The following TLK2 variants were observed in gnomAD, a reference collection of about 807,000 sequenced individuals.
The protein encoded by TLK2 is serine/threonine-protein kinase tousled-like 2.
Under a neutral mutation model 117.3 loss-of-function variants are expected in TLK2, and 6 were observed. The observed-to-expected ratio is 0.05, with a 90% confidence interval of 0.03 to 0.10. The LOEUF (loss-of-function observed/expected upper bound fraction) is 0.10, where lower values mean the gene tolerates loss of function less well. Ranked by LOEUF, TLK2 falls within the 10% of genes least tolerant of loss-of-function variation. The pLI is 1.00. For missense variants in TLK2, 299 were observed against 901.2 expected, an observed-to-expected ratio of 0.33 and a Z score of 8.56; for synonymous variants, 257 against 316.7, an observed-to-expected ratio of 0.81 and a Z score of 2.00.
chr17:62,513,094 G>A (rs1255161180), intron 2 of TLK2, among the ~76,000 whole-genome samples: 1 of 151,250 alleles, frequency 6.6e-6, no homozygotes, highest in African/African-American at 2.4e-5. Context: ...TGGCCAGGCT[G>A]GTCTTGAACA....
intron 1 of TLK2, among the ~76,000 whole-genome samples, chr17:62,473,178 CCA>C (rs2144193110): frequency 6.6e-6 from 1 of 152,250 alleles, no homozygotes; most frequent in East Asian, 1.9e-4. Context: ...TTGCAGAGCT[CCA>C]CAGAGAAAAC....
At chr17:62,556,894 T>A (rs1385204909) in intron 9 of TLK2, among the ~76,000 whole-genome samples, 1 of 152,238 alleles carries the variant, frequency 6.6e-6, no homozygotes. Context: ...ATTTCTGGCA[T>A]TTACTGCAGC....
chr17:62,560,143 G>T lies in TLK2; in HGVS notation c.831+17G>T. On this transcript the variant is annotated intron_variant, in intron 10 of 21. Coordinates refer to ENST00000346027, the MANE Select transcript of TLK2 (RefSeq NM_006852.6). ...ATAGAAAAGGTTAGTGAATAATGTTGGTCTAAACTCTGTATCCCAAGATAC... is the reference window on the plus strand; with the variant it reads ...ATAGAAAAGGTTAGTGAATAATGTTTGTCTAAACTCTGTATCCCAAGATAC... 1 of 1,562,902 alleles carries T rather than the reference G, an allele frequency of 6.4e-7. No individual in the cohort carries two copies. Among genetic ancestry groups the T allele is most frequent in the Non-Finnish European group, 8.7e-7 (1 of 1,144,460 alleles).
chr17:62,603,108 A>C (rs2082994587), intron 19 of TLK2, among the ~76,000 whole-genome samples: 1 of 152,184 alleles, frequency 6.6e-6, no homozygotes, highest in African/African-American at 2.4e-5. Context: ...AGGTGGTCAA[A>C]TCACTTTATC....
intron 7 of TLK2, among the ~76,000 whole-genome samples, chr17:62,538,033 GTT>G (rs57512334): frequency 1.8e-4 from 19 of 106,184 alleles, no homozygotes; most frequent in Admixed American, 1.6e-3. Flanking sequence ...TTAAATCTTT[GTT>G]TTTTTTTTTT....
At chr17:62,516,283 C>A in intron 2 of TLK2, 2 of 754,114 alleles carry the variant, frequency 2.7e-6, no homozygotes, top group Non-Finnish European at 4.2e-6. Flanking sequence ...TTTTTTTTGG[C>A]TGTAAATTTA....
chr17:62,567,706 C>G (rs1194699286), intron 11 of TLK2, among the ~76,000 whole-genome samples: 1 of 152,170 alleles, frequency 6.6e-6, no homozygotes, highest in African/African-American at 2.4e-5. Context: ...TAGCTGAACA[C>G]TAACAACACT....
At chr17:62,548,240 A>ATATATATG (rs368516607) in intron 7 of TLK2, among the ~76,000 whole-genome samples, 1,867 of 121,238 alleles carry the variant, frequency 0.015, 15 homozygotes, top group Non-Finnish European at 0.018. Flanking sequence ...ATATATATAT[A>ATATATATG]TGTGTGTGTG....
chr17:62,615,191 CCTT>C lies in TLK2; in HGVS notation c.*2631_*2633del, dbSNP rs1192060457. ...TAGGCTTGGCTGAGTCCGGGCAAGACCTTCTTCCGAGGCATGGACAAGCCCCAG... is the reference window on the plus strand; with the variant it reads ...TAGGCTTGGCTGAGTCCGGGCAAGACCTTCCGAGGCATGGACAAGCCCCAG... On this transcript the variant is annotated 3_prime_UTR_variant, in exon 22 of 22. Coordinates refer to ENST00000346027, the MANE Select transcript of TLK2 (RefSeq NM_006852.6). 3 of 152,284 alleles carry C rather than the reference CCTT, an allele frequency of 2.0e-5. No homozygotes were observed. The highest frequency in any genetic ancestry group is 2.9e-5 in the Non-Finnish European group (2 of 68,034). 9.4% of individuals were successfully genotyped at this position (152,284 alleles called of 1,614,324 possible).
intron 20 of TLK2, among the ~76,000 whole-genome samples, chr17:62,606,478 T>C (rs1160775184): frequency 2.0e-5 from 3 of 152,240 alleles, no homozygotes; most frequent in African/African-American, 7.2e-5. Context: ...ACATGCACTT[T>C]TGCTGTTCTC....
intron 16 of TLK2, among the ~76,000 whole-genome samples, chr17:62,589,020 A>G (rs892368409): frequency 2.0e-5 from 3 of 152,206 alleles, no homozygotes; most frequent in Non-Finnish European, 2.9e-5. Flanking sequence ...GAATCAAGAC[A>G]TTTATTCTGG....
At chr17:62,584,393 G>A (rs2081458424) in intron 15 of TLK2, among the ~76,000 whole-genome samples, 1 of 152,048 alleles carries the variant, frequency 6.6e-6, no homozygotes, top group Non-Finnish European at 1.5e-5. Flanking sequence ...GAGATTACAG[G>A]TGTGAGCCAT....
intron 2 of TLK2, among the ~76,000 whole-genome samples, chr17:62,511,663 C>T (rs1031171378): frequency 1.3e-5 from 2 of 152,218 alleles, no homozygotes; most frequent in Non-Finnish European, 2.9e-5. Context: ...AGCCACCGCA[C>T]CCAGCCTACA....
intron 2 of TLK2, among the ~76,000 whole-genome samples, chr17:62,504,246 T>C (rs1430754411): frequency 6.6e-6 from 1 of 152,190 alleles, no homozygotes; most frequent in Non-Finnish European, 1.5e-5. Flanking sequence ...TTTCAGGCAC[T>C]GTATTACCCT....
At position 62,565,016 on chromosome 17, in the gene TLK2, A is replaced by T. The variant is rs767776392; in HGVS notation, c.847A>T (p.Met283Leu). Residue 283 changes from methionine to leucine, a missense_variant, in exon 11 of 22, where the codon ATG (methionine) becomes TTG (leucine). Met to Leu is a conservative substitution (Grantham distance 15, BLOSUM62 2). Around this residue, in one of 4 missense-constraint regions of TLK2, gnomAD observed 94 missense variants for 282.6 expected, o/e 0.33. Coordinates refer to ENST00000346027, the MANE Select transcript of TLK2 (RefSeq NM_006852.6). ...LLIEKSKQEK[M>L]ACRDKSMQDR... The stretch of plus-strand genomic sequence containing the variant: ...TTCCCCTAAGTCAAAACAAGAGAAG[A>T]TGGCGTGTAGAGATAAGAGCATGCA... The T allele has an allele frequency of 9.3e-6, 15 of 1,608,928 alleles. No homozygotes were observed. The South Asian group carries it at 1.7e-4, about 18-fold the overall frequency.
intron 2 of TLK2, among the ~76,000 whole-genome samples, chr17:62,513,460 G>C (rs1167808914): frequency 6.6e-6 from 1 of 151,446 alleles, no homozygotes; most frequent in Admixed American, 6.6e-5. Flanking sequence ...TAGGAGCTAG[G>C]ACTGCAGACA....
At chr17:62,505,030 GAC>G (rs1319849754) in intron 2 of TLK2, among the ~76,000 whole-genome samples, 1 of 151,988 alleles carries the variant, frequency 6.6e-6, no homozygotes. Context: ...TCTTGGTAGA[GAC>G]AGGGTGTTGC....
intron 15 of TLK2, chr17:62,585,824 C>G (rs2081571786): frequency 4.8e-6 from 1 of 206,572 alleles, no homozygotes. Context: ...GCAGACGGGT[C>G]CCAGACAGGA....
chr17:62,556,976 G>C (rs1256706544), intron 9 of TLK2, among the ~76,000 whole-genome samples: 1 of 152,166 alleles, frequency 6.6e-6, no homozygotes, highest in Non-Finnish European at 1.5e-5. Flanking sequence ...CCCAGGCTGG[G>C]TGCAGTGGCA....
Sources: gnomAD v4.1 joint callset for allele counts (sites outside exome capture counted in the v4.1 genomes callset) on GRCh38, gnomAD v4.1.1 for gene constraint, gnomAD v4.1.1 regional missense constraint, MANE v1.5 for transcripts, NCBI Gene and HGNC (gene_info 2026-07-23, HGNC 2026-07-21) for gene names.